The following CYTH1 variants were observed in gnomAD, a reference collection of about 807,000 sequenced individuals.
CYTH1 encodes cytohesin-1.
A neutral mutation model predicts 61.8 loss-of-function variants in CYTH1; 18 were observed. That is an observed-to-expected ratio of 0.29 (90% CI 0.20 to 0.43). The LOEUF is 0.43. Among genes scored for constraint, CYTH1 ranks in the 20% least tolerant of loss-of-function variants. The pLI, the probability that CYTH1 is intolerant of heterozygous loss-of-function variation, is 1.00. For missense variants in CYTH1, 336 were observed against 510.5 expected (o/e 0.66, Z 3.29); for synonymous variants, 174 against 184.3 (o/e 0.94, Z 0.45).
intron 11 of CYTH1, among the ~76,000 whole-genome samples, chr17:78,687,149 C>T (rs1462063494): frequency 6.6e-6 from 1 of 151,926 alleles, no homozygotes. Context: ...AATAATTATA[C>T]AACTCACCAT....
intron 10 of CYTH1, 75 bp from the exon 11 acceptor site, chr17:78,692,568 C>T (rs2092899453): frequency 7.1e-7 from 1 of 1,407,404 alleles, no homozygotes; most frequent in Non-Finnish European, 1.0e-6. Context: ...CACACGACAC[C>T]CTCTCTTCTC....
intron 1 of CYTH1, among the ~76,000 whole-genome samples, chr17:78,735,057 C>T (rs1007259960): frequency 2.0e-5 from 3 of 152,146 alleles, no homozygotes; most frequent in African/African-American, 7.2e-5. Context: ...GGCAACACTG[C>T]CTTCAGTCCC....
intron 1 of CYTH1, among the ~76,000 whole-genome samples, chr17:78,755,635 G>A (rs2144688801): frequency 1.3e-5 from 2 of 152,244 alleles, no homozygotes; most frequent in South Asian, 4.1e-4. Context: ...CGGGGTAGAG[G>A]GAGGAATGGA....
At chr17:78,736,812 C>T in intron 1 of CYTH1, 1 of 291,294 alleles carries the variant, frequency 3.4e-6, no homozygotes, top group Middle Eastern at 4.8e-4. Flanking sequence ...TGGGGTCTGA[C>T]TGGGAGGGGC....
chr17:78,713,003 T>C (rs1039385185), intron 1 of CYTH1, among the ~76,000 whole-genome samples: 6 of 151,948 alleles, frequency 3.9e-5, no homozygotes, highest in African/African-American at 1.5e-4. Context: ...ATCAGCATTA[T>C]GTGGATTCTA....
intron 1 of CYTH1, among the ~76,000 whole-genome samples, chr17:78,719,820 T>C (rs1056543894): frequency 3.3e-5 from 5 of 152,170 alleles, no homozygotes; most frequent in Non-Finnish European, 7.3e-5. Flanking sequence ...CTGCCAATAA[T>C]ACACTGAAGA....
chr17:78,698,974 G>C lies in CYTH1; in HGVS notation c.551-6C>G. 1.2e-6 allele frequency: 2 copies of C among 1,609,530 alleles called. No individual in the cohort carries two copies. Among genetic ancestry groups the C allele is most frequent in the Non-Finnish European group, 1.7e-6 (2 of 1,178,548 alleles). ...GGAGAGGACGTAACAAGTATCTAAA[G>C]ATGAGAGAAAAGCAAAGGGGAGCCG... On this transcript the variant is annotated splice_region_variant and splice_polypyrimidine_tract_variant and intron_variant, in intron 7 of 13. Transcript: ENST00000446868.
In CYTH1 at chr17:78,760,518, T is replaced by TG. The variant is rs2093422998; in HGVS notation, c.22+21683_22+21684insC. 4.3e-5 allele frequency among the ~76,000 whole-genome samples: 2 copies of TG among 46,458 alleles called. 1 individual carries two copies. The highest frequency in any genetic ancestry group is 4.8e-4 in the Admixed American group (2 of 4,206). 30.5% of individuals were successfully genotyped at this position (46,458 alleles called of 152,430 possible). A position where few individuals can be genotyped will look rare whatever the true frequency, so the allele number is the denominator to read the frequency against. On this transcript the variant is annotated intron_variant, in intron 1 of 13. Coordinates refer to ENST00000446868, the MANE Select transcript of CYTH1 (RefSeq NM_004762.6). ...ATATACATATATATGTATATATATG[T>TG]ATATATATATATACATACATATATA... is the stretch of plus-strand genomic sequence containing the variant.
In CYTH1 at chr17:78,695,984, C is replaced by T. The variant is rs1156342694; in HGVS notation, c.814+23G>A. On this transcript the variant is annotated intron_variant, in intron 10 of 13. Transcript: ENST00000446868. ...AATGACAGTGGCCTAGCAGAGCGAGCGAGCAGGCTGAGGGTTACATACCTC... is the reference window on the plus strand; with the variant it reads ...AATGACAGTGGCCTAGCAGAGCGAGTGAGCAGGCTGAGGGTTACATACCTC... The T allele has an allele frequency of 1.5e-5, 21 of 1,367,516 alleles. No homozygotes were observed. In the Admixed American group the frequency reaches 2.7e-4, roughly 17 times the overall value. The allele number at this position is 1,367,516 out of a possible 1,614,324, so 84.7% of individuals were successfully genotyped here.
At chr17:78,697,325 CAAAA>C (rs5822262) in intron 9 of CYTH1, among the ~76,000 whole-genome samples, 2 of 95,316 alleles carry the variant, frequency 2.1e-5, no homozygotes, top group Non-Finnish European at 2.0e-5. Flanking sequence ...TGCTAGTGTC[CAAAA>C]AAAAAAAAAA....
At chr17:78,715,497 G>A (rs2093173284) in intron 1 of CYTH1, among the ~76,000 whole-genome samples, 1 of 152,154 alleles carries the variant, frequency 6.6e-6, no homozygotes, top group Non-Finnish European at 1.5e-5. Context: ...CCGGGTCAGA[G>A]CAGGAAGCCA....
rs1225496940 is a variant in CYTH1, at chr17:78,674,854, T to C, written c.*1237A>G. 1 of 152,476 alleles carries C rather than the reference T, an allele frequency of 6.6e-6. No individual in the cohort carries two copies. The highest frequency in any genetic ancestry group is 2.4e-5 in the African/African-American group (1 of 41,436). The allele number at this position is 152,476 out of a possible 1,614,324, so 9.4% of individuals were successfully genotyped here. A position where few individuals can be genotyped will look rare whatever the true frequency, so the allele number is the denominator to read the frequency against. ...TGTCACGGCTCCCTTCATACTGTAA[T>C]GAGGAGGGGCAGGGCCAGCTCACAC... On this transcript the variant is annotated 3_prime_UTR_variant, in exon 14 of 14. Coordinates refer to ENST00000446868, the MANE Select transcript of CYTH1 (RefSeq NM_004762.6).
chr17:78,745,131 C>A (rs1475644945), intron 1 of CYTH1, among the ~76,000 whole-genome samples: 1 of 152,012 alleles, frequency 6.6e-6, no homozygotes, highest in Non-Finnish European at 1.5e-5. Flanking sequence ...TCAGAGAGGA[C>A]CCTTGAGCCA....
rs1040756258 is a variant in CYTH1, at chr17:78,710,356, C to T, written c.23-624G>A. 6.6e-5 allele frequency among the ~76,000 whole-genome samples: 10 copies of T among 152,152 alleles called. 1 individual carries two copies. Among genetic ancestry groups the T allele is most frequent in the African/African-American group, 2.2e-4 (9 of 41,418 alleles). On this transcript the variant is annotated intron_variant, in intron 1 of 13. Transcript: ENST00000446868. ...TGCTTCATACCTTTCTTCATTGTTT[C>T]GATGTTTTACAATGTGCTCTTATCA...
intron 8 of CYTH1, 23 bp from the exon 9 acceptor site, chr17:78,698,403 ATG>A (rs2092969599): frequency 2.6e-6 from 4 of 1,544,090 alleles, no homozygotes; most frequent in Non-Finnish European, 3.6e-6. Context: ...ATGACAATTT[ATG>A]TCTCTGATTC....
At chr17:78,761,950 CATAAACGTTTGAAAGAGT>C (rs1285758303) in intron 1 of CYTH1, among the ~76,000 whole-genome samples, 1 of 152,180 alleles carries the variant, frequency 6.6e-6, no homozygotes, top group East Asian at 1.9e-4. Context: ...GAGCCTTTAA[CATAAACGTTTGAAAGAGT>C]AACAGCATCT....
rs1483357468 is a variant in CYTH1, at chr17:78,701,067, C to T, written c.437+604G>A. 3.9e-5 allele frequency among the ~76,000 whole-genome samples: 6 copies of T among 152,092 alleles called. No homozygotes were observed. In the East Asian group the frequency reaches 1.2e-3, roughly 29 times the overall value. On this transcript the variant is annotated intron_variant, in intron 6 of 13. Coordinates refer to ENST00000446868, the MANE Select transcript of CYTH1 (RefSeq NM_004762.6). The stretch of plus-strand genomic sequence containing the variant: ...ATAGATAATGCTCATTTTAAACAAA[C>T]GCTATTTCCGGAAACAATATGGGTG...
chr17:78,736,356 T>C (rs531501143), intron 1 of CYTH1, among the ~76,000 whole-genome samples: 3 of 152,182 alleles, frequency 2.0e-5, no homozygotes, highest in South Asian at 4.1e-4. Flanking sequence ...GGAGGAGAAC[T>C]TCTTTGGTTT....
At chr17:78,692,070 C>T (rs558667765) in intron 11 of CYTH1, 2 of 200,618 alleles carry the variant, frequency 1.0e-5, no homozygotes, top group South Asian at 1.1e-4. Flanking sequence ...ATCTCCCTTT[C>T]AATTAGGGCC....
Sources: gnomAD v4.1 joint callset for allele counts (sites outside exome capture counted in the v4.1 genomes callset) on GRCh38, gnomAD v4.1.1 for gene constraint, MANE v1.5 for transcripts, NCBI Gene and HGNC (gene_info 2026-07-23, HGNC 2026-07-21) for gene names.